The following SBF2 variants were observed in gnomAD, a reference collection of about 807,000 sequenced individuals.
The protein encoded by SBF2 is myotubularin-related protein 13.
SBF2 carries 112 observed loss-of-function variants against 225.2 expected under a neutral mutation model. The ratio of observed to expected loss-of-function variants is 0.50; its 90% CI spans 0.43 to 0.58. The LOEUF is 0.58. Among genes scored for constraint, SBF2 ranks in the 20% least tolerant of loss-of-function variants. The pLI is 0.00. For synonymous variants in SBF2, 763 were observed against 773.3 expected, an observed-to-expected ratio of 0.99 and a Z score of 0.22; for missense variants, 1,996 against 2,206.2, an observed-to-expected ratio of 0.90 and a Z score of 1.91.
intron 16 of SBF2, among the ~76,000 whole-genome samples, chr11:9,947,413 CT>C (rs757862002): frequency 5.1e-4 from 77 of 152,316 alleles, no homozygotes; most frequent in Non-Finnish European, 3.8e-4. Context: ...AAAGTCTAAT[CT>C]TTTAGCTGAC....
chr11:9,959,988 T>C (rs1431007816), intron 16 of SBF2: 1 of 296,272 alleles, frequency 3.4e-6, no homozygotes, highest in Non-Finnish European at 6.6e-6. Context: ...ATTTGTAGGG[T>C]TTTTTCTTTT....
chr11:9,851,477 C>T (rs774263289), intron 21 of SBF2, among the ~76,000 whole-genome samples: 10 of 152,164 alleles, frequency 6.6e-5, no homozygotes, highest in South Asian at 6.2e-4. Context: ...CTGTCCTTGG[C>T]CACGTAATGA....
At position 9,832,358 on chromosome 11, in the gene SBF2, C is replaced by T. The variant is rs757577170; in HGVS notation, c.3518G>A (p.Arg1173His). ...VQDSSLPRVA[R>H]CYRHNRLPVV... is the part of the protein sequence containing the mutation. ...AGGCAGGCGATTGTGTCGATAGCAG[C>T]GAGCTACTCTTGGTAAACTACTGTC... The change falls in exon 27 of 40, where the codon CGC becomes CAC. Residue 1173 changes from arginine to histidine, a missense_variant. Physicochemically the swap from Arg to His is conservative, Grantham distance 29. Coordinates refer to ENST00000256190, the MANE Select transcript of SBF2 (RefSeq NM_030962.4). 2.9e-5 allele frequency: 47 copies of T among 1,613,832 alleles called. 2 individuals carry two copies. The highest frequency in any genetic ancestry group is 2.5e-4 in the South Asian group (23 of 91,078).
intron 16 of SBF2, chr11:9,915,737 G>C (rs539897995): frequency 6.0e-4 from 92 of 152,134 alleles, no homozygotes; most frequent in African/African-American, 2.1e-3. Context: ...CTGTACATTA[G>C]AAAAAGCTTC....
intron 1 of SBF2, among the ~76,000 whole-genome samples, chr11:10,202,398 A>G (rs1235563555): frequency 3.9e-5 from 6 of 152,200 alleles, no homozygotes; most frequent in Non-Finnish European, 8.8e-5. Flanking sequence ...AGTTTCCGGC[A>G]GTCTAGAAAT....
At chr11:10,152,727 T>A (rs374923716) in intron 2 of SBF2, among the ~76,000 whole-genome samples, 5 of 152,128 alleles carry the variant, frequency 3.3e-5, no homozygotes, top group Admixed American at 6.6e-5. Context: ...AGTCAAAGTA[T>A]ACCATAAGAA....
chr11:9,941,441 T>A (rs1361035409), intron 16 of SBF2, among the ~76,000 whole-genome samples: 1 of 152,214 alleles, frequency 6.6e-6, no homozygotes, highest in Non-Finnish European at 1.5e-5. Context: ...ATAAAGTGTT[T>A]CAGAGAAGAG....
intron 16 of SBF2, among the ~76,000 whole-genome samples, chr11:9,929,822 G>A (rs1267848671): frequency 6.6e-6 from 1 of 152,144 alleles, no homozygotes; most frequent in Non-Finnish European, 1.5e-5. Context: ...CCAAGAGTTC[G>A]TTGAATCTTG....
intron 17 of SBF2, among the ~76,000 whole-genome samples, chr11:9,877,276 T>A (rs1427492612): frequency 6.6e-6 from 1 of 152,182 alleles, no homozygotes; most frequent in Admixed American, 6.5e-5. Context: ...TAAGGAAATG[T>A]ATTATATGAA....
intron 2 of SBF2, among the ~76,000 whole-genome samples, chr11:10,191,457 A>C (rs1957166864): frequency 1.3e-5 from 2 of 152,330 alleles, no homozygotes; most frequent in Non-Finnish European, 2.9e-5. Flanking sequence ...ATGTAAGATA[A>C]ATTTATTTTG....
At chr11:10,163,981 G>C (rs139096795) in intron 2 of SBF2, among the ~76,000 whole-genome samples, 6 of 152,282 alleles carry the variant, frequency 3.9e-5, no homozygotes, top group African/African-American at 1.4e-4. Context: ...GCTGGACAAA[G>C]CTGAAATTAT....
intron 3 of SBF2, among the ~76,000 whole-genome samples, chr11:10,032,463 G>A (rs762837786): frequency 1.6e-4 from 25 of 152,038 alleles, no homozygotes; most frequent in Non-Finnish European, 3.1e-4. Flanking sequence ...TGCTCTATGC[G>A]CTTCTGTGTT....
intron 2 of SBF2, among the ~76,000 whole-genome samples, chr11:10,136,635 A>T (rs1416581855): frequency 1.3e-5 from 2 of 152,140 alleles, no homozygotes; most frequent in African/African-American, 4.8e-5. Context: ...TAGCACCTGA[A>T]ATGGGAGGTA....
At chr11:10,009,619 A>G (rs1948355169) in intron 6 of SBF2, among the ~76,000 whole-genome samples, 1 of 152,194 alleles carries the variant, frequency 6.6e-6, no homozygotes, top group South Asian at 2.1e-4. Context: ...ATAGTATTCC[A>G]TGGTGTATAT....
chr11:10,066,462 C>T (rs1217160468), intron 2 of SBF2, among the ~76,000 whole-genome samples: 1 of 151,844 alleles, frequency 6.6e-6, no homozygotes, highest in African/African-American at 2.4e-5. Context: ...ATTTGAAAAG[C>T]AATCAACAGA....
At chr11:10,162,903 T>C (rs1955813213) in intron 2 of SBF2, among the ~76,000 whole-genome samples, 1 of 152,144 alleles carries the variant, frequency 6.6e-6, no homozygotes, top group South Asian at 2.1e-4. Flanking sequence ...GTCCCTTTCA[T>C]CTGGAAATTT....
intron 1 of SBF2, among the ~76,000 whole-genome samples, chr11:10,268,486 G>A (rs1156529832): frequency 2.6e-5 from 4 of 152,094 alleles, no homozygotes; most frequent in Admixed American, 6.5e-5. Flanking sequence ...ATGGATCAAC[G>A]AAAAAGATGA....
At chr11:10,027,584 C>T (rs1949096484) in intron 6 of SBF2, among the ~76,000 whole-genome samples, 1 of 152,084 alleles carries the variant, frequency 6.6e-6, no homozygotes, top group Non-Finnish European at 1.5e-5. Context: ...AAAAGACAAA[C>T]ACAGATGGAG....
At chr11:10,083,580 C>G (rs763800609) in intron 2 of SBF2, among the ~76,000 whole-genome samples, 2 of 152,094 alleles carry the variant, frequency 1.3e-5, no homozygotes, top group Non-Finnish European at 2.9e-5. Context: ...CACATGCCTA[C>G]AGACAATTGA....
Sources: allele counts gnomAD v4.1 joint callset (sites outside exome capture counted in the v4.1 genomes callset), GRCh38; gene constraint gnomAD v4.1.1; transcripts MANE v1.5; gene names NCBI Gene and HGNC (gene_info 2026-07-23, HGNC 2026-07-21).